Variants in COLQ observed in about 807,000 individuals in gnomAD.
COLQ encodes acetylcholinesterase collagenic tail peptide.
In COLQ, 48 loss-of-function variants were observed where a neutral mutation model predicts 69.0. The ratio of observed to expected loss-of-function variants is 0.70; its 90% CI spans 0.55 to 0.88. The LOEUF (loss-of-function observed/expected upper bound fraction) is 0.88, where lower values mean the gene tolerates loss of function less well. Among genes scored for constraint, COLQ ranks in the 40% least tolerant of loss-of-function variants. The pLI is 0.00. For synonymous variants in COLQ, 217 were observed against 211.2 expected (o/e 1.03, Z -0.24); for missense variants, 618 against 594.6 (o/e 1.04, Z -0.41).
At chr3:15,490,116 T>C (rs1425345534) in intron 1 of COLQ, among the ~76,000 whole-genome samples, 1 of 152,210 alleles carries the variant, frequency 6.6e-6, no homozygotes, top group Non-Finnish European at 1.5e-5. Flanking sequence ...ACATTGACTC[T>C]AGACTTTACA....
In COLQ at chr3:15,489,657, G is replaced by A. The variant is rs757966613; in HGVS notation, c.107-20C>T. ...GAAGGGCTGTTCAGAGAAAACTGCC[G>A]CTCGTTAGCATGTGGTCAGTGCTGG... On this transcript the variant is annotated intron_variant, in intron 1 of 16. Coordinates refer to ENST00000383788, the MANE Select transcript of COLQ (RefSeq NM_005677.4). 4.8e-5 allele frequency: 77 copies of A among 1,608,546 alleles called. 1 individual carries two copies. The highest frequency in any genetic ancestry group is 4.4e-4 in the South Asian group (40 of 90,650).
rs369122841 is a variant in COLQ, at chr3:15,451,695, T to C, written c.1317A>G (p.Gln439=). The part of the protein sequence containing the change: ...TYLPGSYGDL[Q]CTQYCYIDST... ...AGTCGATGTAGCAGTACTGGGTGCATTGCAGGTCTCCATATGACCTGAGGG... is the reference window on the plus strand; with the variant it reads ...AGTCGATGTAGCAGTACTGGGTGCACTGCAGGTCTCCATATGACCTGAGGG... Residue 439 remains glutamine (Q), a synonymous_variant, in exon 17 of 17, where the codon CAA becomes CAG. Transcript: ENST00000383788. 7 of 1,614,106 alleles carry C rather than the reference T, an allele frequency of 4.3e-6. No homozygotes were observed. Among genetic ancestry groups the C allele is most frequent in the East Asian group, 2.2e-5 (1 of 44,872 alleles).
intron 3 of COLQ, among the ~76,000 whole-genome samples, chr3:15,485,453 C>G (rs149521943): frequency 4.6e-5 from 7 of 152,362 alleles, no homozygotes; most frequent in African/African-American, 9.6e-5. Flanking sequence ...AATCAACCGT[C>G]TTCTGCATCG....
rs191237267 is a variant in COLQ at position 15,462,141 on chromosome 3, G to T, written c.815-3816C>A. Among the ~76,000 whole-genome samples the T allele has an allele frequency of 4.5e-3, 686 of 152,224 alleles. 6 individuals carry two copies. The highest frequency in any genetic ancestry group is 6.3e-3 in the Admixed American group (96 of 15,292). On this transcript the variant is annotated intron_variant, in intron 12 of 16. Transcript: ENST00000383788. The stretch of plus-strand genomic sequence containing the variant: ...CCTCCCGGGTTCAAGTGATTCTCCT[G>T]TCTCAGCCTCCTGAGTAGCTGGGAT...
Position 15,488,186 on chromosome 3 carries a change from G to A in COLQ, c.321+20C>T. 1 of 1,575,710 alleles carries A rather than the reference G, an allele frequency of 6.3e-7. No individual in the cohort carries two copies. The highest frequency in any genetic ancestry group is 1.7e-5 in the Admixed American group (1 of 59,978). ...CTCTAAACAGAAGACAGCGAGAGGG[G>A]TCCGGTAGAGTGCACCAACCTGGGG... On this transcript the variant is annotated intron_variant, in intron 3 of 16. Coordinates refer to ENST00000383788, the MANE Select transcript of COLQ (RefSeq NM_005677.4).
intron 3 of COLQ, among the ~76,000 whole-genome samples, chr3:15,484,401 G>A (rs1332615945): frequency 6.6e-6 from 1 of 151,992 alleles, no homozygotes; most frequent in Non-Finnish European, 1.5e-5. Context: ...TTGAAAGGCA[G>A]GCTCTTCTTG....
intron 8 of COLQ, 78 bp from the exon 9 acceptor site, chr3:15,474,350 C>T (rs1424904346): frequency 6.9e-7 from 1 of 1,452,226 alleles, no homozygotes; most frequent in African/African-American, 1.4e-5. Context: ...CTGAAAAGCT[C>T]CCTAAACCAA....
chr3:15,489,258 GAGA>G (rs1433153320), intron 2 of COLQ, among the ~76,000 whole-genome samples: 1 of 152,200 alleles, frequency 6.6e-6, no homozygotes, highest in East Asian at 1.9e-4. Context: ...CATGGTTTTT[GAGA>G]AGATGAGAAA....
Position 15,488,598 on chromosome 3 carries a change from A to G in COLQ, c.220-291T>C, listed in dbSNP as rs113264961. ...CCAATGTGTAGGTTAGCACTGTCCA[A>G]TGGAAACATAACTAACGTGAGGCAC... is the stretch of plus-strand genomic sequence containing the variant. On this transcript the variant is annotated intron_variant, in intron 2 of 16. Transcript: ENST00000383788. 8.9e-4 allele frequency among the ~76,000 whole-genome samples: 136 copies of G among 152,316 alleles called. 1 individual carries two copies. The highest frequency in any genetic ancestry group is 2.6e-3 in the African/African-American group (108 of 41,576).
At chr3:15,513,226 A>G (rs1300141071) in intron 1 of COLQ, among the ~76,000 whole-genome samples, 1 of 152,108 alleles carries the variant, frequency 6.6e-6, no homozygotes, top group Non-Finnish European at 1.5e-5. Flanking sequence ...AGGGCTGCTG[A>G]GCTATAACTG....
At position 15,453,899 on chromosome 3, in the gene COLQ, G is replaced by A. The variant is rs139574075; in HGVS notation, c.1228C>T (p.Arg410Trp). The A allele has an allele frequency of 1.7e-5, 28 of 1,611,068 alleles. No homozygotes were observed. Among genetic ancestry groups the A allele is most frequent in the Admixed American group, 5.0e-5 (3 of 59,772 alleles). ...TCACAGTCCTCCACACCCTCATGCCGGTGACCATCTCCACAGTAGGCACGG... is the reference window on the plus strand; with the variant it reads ...TCACAGTCCTCCACACCCTCATGCCAGTGACCATCTCCACAGTAGGCACGG... ...CHRAYCGDGH[R>W]HEGVEDCDGS... The change falls in exon 16 of 17, where the codon CGG (arginine) becomes TGG (tryptophan). Residue 410 changes from arginine to tryptophan, a missense_variant. Arg to Trp is a moderately radical substitution (Grantham distance 101). Transcript: ENST00000383788.
chr3:15,483,377 G>T (rs1006022165), intron 3 of COLQ, among the ~76,000 whole-genome samples: 4 of 152,158 alleles, frequency 2.6e-5, no homozygotes, highest in African/African-American at 9.7e-5. Flanking sequence ...CCTACACACT[G>T]CTTTAAATGT....
chr3:15,520,518 G>A (rs753474600), intron 1 of COLQ, among the ~76,000 whole-genome samples: 53 of 152,300 alleles, frequency 3.5e-4, no homozygotes, highest in Non-Finnish European at 6.6e-4. Flanking sequence ...CAAAGGCAGC[G>A]ATAGTGAAAT....
At chr3:15,465,545 C>A (rs1029620088) in intron 12 of COLQ, among the ~76,000 whole-genome samples, 3 of 149,960 alleles carry the variant, frequency 2.0e-5, no homozygotes, top group Admixed American at 6.6e-5. Context: ...GGATTACAGG[C>A]GTGACCCACC....
chr3:15,456,567 T>A lies in COLQ; in HGVS notation c.967A>T (p.Asn323Tyr), dbSNP rs369551954. 10 of 1,613,994 alleles carry A rather than the reference T, an allele frequency of 6.2e-6. No individual in the cohort carries two copies. The highest frequency in any genetic ancestry group is 3.4e-6 in the Non-Finnish European group (4 of 1,180,032). Residue 323 changes from asparagine to tyrosine, a missense_variant, in exon 14 of 17, where the codon AAC becomes TAC. Physicochemically the swap from Asn to Tyr is moderately radical, Grantham distance 143. Coordinates refer to ENST00000383788, the MANE Select transcript of COLQ (RefSeq NM_005677.4). ...AGCCTCTCAAGCTCCTCCTGGTTGTTGACCACAAAAATCTGCCAGAGAACA... is the reference window on the plus strand; with the variant it reads ...AGCCTCTCAAGCTCCTCCTGGTTGTAGACCACAAAAATCTGCCAGAGAACA... ...SPRVPVIFVV[N>Y]NQEELERLNT...
intron 1 of COLQ, among the ~76,000 whole-genome samples, chr3:15,492,921 T>C (rs2062693538): frequency 2.0e-5 from 3 of 152,170 alleles, no homozygotes; most frequent in South Asian, 2.1e-4. Flanking sequence ...GCCTATCCAA[T>C]GCTTGGTGCT....
chr3:15,466,215 A>T, intron 12 of COLQ, 126 bp downstream of exon 12: 1 of 673,122 alleles, frequency 1.5e-6, no homozygotes, highest in Non-Finnish European at 2.7e-6. Flanking sequence ...TTACAAAGAT[A>T]TTGGAGTGTC....
intron 1 of COLQ, among the ~76,000 whole-genome samples, chr3:15,515,135 A>T (rs2063043202): frequency 6.6e-6 from 1 of 152,184 alleles, no homozygotes; most frequent in African/African-American, 2.4e-5. Context: ...AAGTTCTCAG[A>T]GAGATGACAG....
chr3:15,501,734 C>G (rs1395349415), intron 1 of COLQ, among the ~76,000 whole-genome samples: 1 of 152,222 alleles, frequency 6.6e-6, no homozygotes, highest in Non-Finnish European at 1.5e-5. Flanking sequence ...ATCCCCCACC[C>G]TTGAGAACTG....
Sources: allele counts gnomAD v4.1 joint callset (sites outside exome capture counted in the v4.1 genomes callset), GRCh38; gene constraint gnomAD v4.1.1; transcripts MANE v1.5; gene names NCBI Gene and HGNC (gene_info 2026-07-23, HGNC 2026-07-21).